The following DLGAP1 variants were observed in gnomAD, a reference collection of about 807,000 sequenced individuals.
DLGAP1 encodes DLG associated protein 1.
Under a neutral mutation model 90.8 loss-of-function variants are expected in DLGAP1, and 11 were observed. That is an observed-to-expected ratio of 0.12 (90% CI 0.08 to 0.20). The LOEUF (loss-of-function observed/expected upper bound fraction) is 0.20, where lower values mean the gene tolerates loss of function less well. Among genes scored for constraint, DLGAP1 ranks in the 10% least tolerant of loss-of-function variants. The pLI, the probability that DLGAP1 is intolerant of heterozygous loss-of-function variation, is 1.00. For synonymous variants in DLGAP1, 558 were observed against 540.7 expected (o/e 1.03, Z -0.44); for missense variants, 1,050 against 1,333.8 (o/e 0.79, Z 3.31).
chr18:3,840,750 T>A (rs1008633956), intron 4 of DLGAP1, among the ~76,000 whole-genome samples: 1 of 152,182 alleles, frequency 6.6e-6, no homozygotes. Context: ...ACCATCATTA[T>A]CTCCATTTTA....
At chr18:3,956,030 G>C (rs1443392237) in intron 3 of DLGAP1, among the ~76,000 whole-genome samples, 1 of 152,170 alleles carries the variant, frequency 6.6e-6, no homozygotes, top group Non-Finnish European at 1.5e-5. Context: ...AATAATGGTT[G>C]AAATTTGATG....
At chr18:3,582,356 A>AT in intron 7 of DLGAP1, 108 bp from the exon 8 acceptor site, 1 of 1,487,208 alleles carries the variant, frequency 6.7e-7, no homozygotes, top group Non-Finnish European at 9.0e-7. Flanking sequence ...ACACTGAGAC[A>AT]TTTAACAGGA....
At chr18:4,415,026 C>CAT (rs761024538) in intron 1 of DLGAP1, among the ~76,000 whole-genome samples, 114 of 141,124 alleles carry the variant, frequency 8.1e-4, no homozygotes, top group Non-Finnish European at 1.2e-3. Context: ...TTGAAATATA[C>CAT]ATATATATAT....
chr18:3,881,824 A>G (rs1335617702), intron 3 of DLGAP1, among the ~76,000 whole-genome samples: 1 of 152,108 alleles, frequency 6.6e-6, no homozygotes, highest in Non-Finnish European at 1.5e-5. Context: ...GAGGCAGGAG[A>G]ATGGCATAAA....
chr18:3,723,313 G>A (rs1161872773), intron 7 of DLGAP1, among the ~76,000 whole-genome samples: 2 of 152,212 alleles, frequency 1.3e-5, no homozygotes, highest in South Asian at 2.1e-4. Context: ...CAGACCACTA[G>A]ACTGGATGAT....
chr18:4,109,419 C>T (rs2075931385), intron 2 of DLGAP1, among the ~76,000 whole-genome samples: 1 of 152,130 alleles, frequency 6.6e-6, no homozygotes, highest in South Asian at 2.1e-4. Context: ...GGCATTAGGC[C>T]ACTCTTAGAA....
At chr18:4,259,497 T>C (rs2078962990) in intron 1 of DLGAP1, among the ~76,000 whole-genome samples, 1 of 152,174 alleles carries the variant, frequency 6.6e-6, no homozygotes, top group Admixed American at 6.5e-5. Flanking sequence ...AGACAGAAGA[T>C]TGTGATCTGA....
intron 9 of DLGAP1, among the ~76,000 whole-genome samples, chr18:3,551,572 A>C (rs185465516): frequency 1.3e-4 from 20 of 150,634 alleles, no homozygotes; most frequent in Non-Finnish European, 2.1e-4. Flanking sequence ...ATTTCTATGA[A>C]CACTTTTCTT....
chr18:3,673,086 C>T (rs937428435), intron 7 of DLGAP1, among the ~76,000 whole-genome samples: 3 of 152,208 alleles, frequency 2.0e-5, no homozygotes, highest in African/African-American at 7.2e-5. Flanking sequence ...AGATTCAACT[C>T]TGTCTTCCGT....
At chr18:4,333,761 A>G (rs2081004131) in intron 1 of DLGAP1, among the ~76,000 whole-genome samples, 1 of 150,698 alleles carries the variant, frequency 6.6e-6, no homozygotes, top group Non-Finnish European at 1.5e-5. Flanking sequence ...CTGGAACTAC[A>G]GGCGCCCACC....
chr18:3,563,037 G>C (rs1454378280), intron 9 of DLGAP1, among the ~76,000 whole-genome samples: 1 of 151,928 alleles, frequency 6.6e-6, no homozygotes, highest in East Asian at 1.9e-4. Context: ...ATATTGCCCA[G>C]GTTGGTCTTG....
intron 4 of DLGAP1, among the ~76,000 whole-genome samples, chr18:3,823,304 A>G (rs1389060579): frequency 6.6e-6 from 1 of 152,204 alleles, no homozygotes; most frequent in East Asian, 1.9e-4. Flanking sequence ...TGCCAGGACA[A>G]AGATACCTCC....
rs1436133048 is a variant in DLGAP1 at position 3,497,900 on chromosome 18, A to C, written c.*1285T>G. 6.6e-6 allele frequency: 1 copy of C among 152,160 alleles called. No homozygotes were observed. The highest frequency in any genetic ancestry group is 2.4e-5 in the African/African-American group (1 of 41,416). 9.4% of individuals were successfully genotyped at this position (152,160 alleles called of 1,614,324 possible). ...CCTGGCAGGTCGAGTTTCTTCTCTC[A>C]CTACCTGGAACCTCAAGATGACAGC... On this transcript the variant is annotated 3_prime_UTR_variant, in exon 13 of 13. Transcript: ENST00000315677.
At chr18:3,881,720 T>C (rs1307510850) in intron 3 of DLGAP1, among the ~76,000 whole-genome samples, 1 of 152,078 alleles carries the variant, frequency 6.6e-6, no homozygotes, top group Non-Finnish European at 1.5e-5. Flanking sequence ...GAGACCATCC[T>C]GGCTAACACG....
chr18:4,112,538 T>C (rs951844947), intron 2 of DLGAP1, among the ~76,000 whole-genome samples: 2 of 152,194 alleles, frequency 1.3e-5, no homozygotes, highest in Non-Finnish European at 2.9e-5. Context: ...TGTTGAATTA[T>C]CCATTTCTCC....
Position 4,356,475 on chromosome 18 carries a change from C to G in DLGAP1, c.-267+98531G>C, listed in dbSNP as rs555148548. Among the ~76,000 whole-genome samples, 13 of 152,216 alleles carry G rather than the reference C, an allele frequency of 8.5e-5. No individual in the cohort carries two copies. In the South Asian group the frequency reaches 2.7e-3, roughly 32 times the overall value. On this transcript the variant is annotated intron_variant, in intron 1 of 12. Transcript: ENST00000315677. ...CGTTTTTTCCTATGTCAACAATGGA[C>G]AATTTTATATTTCTAGCAACACAAG...
intron 3 of DLGAP1, among the ~76,000 whole-genome samples, chr18:3,897,287 AC>A (rs2071649292): frequency 6.6e-6 from 1 of 152,208 alleles, no homozygotes; most frequent in Admixed American, 6.5e-5. Flanking sequence ...TCTCTCCACT[AC>A]CAAGACCTGT....
chr18:4,405,986 T>TG (rs2082655276), intron 1 of DLGAP1, among the ~76,000 whole-genome samples: 1 of 152,242 alleles, frequency 6.6e-6, no homozygotes, highest in African/African-American at 2.4e-5. Context: ...TCAAGAGCCC[T>TG]GGTTATGGAA....
At chr18:4,005,475 T>G (rs1456043640) in intron 2 of DLGAP1, among the ~76,000 whole-genome samples, 1 of 152,226 alleles carries the variant, frequency 6.6e-6, no homozygotes, top group Non-Finnish European at 1.5e-5. Flanking sequence ...CTGCCCAGTT[T>G]TCCTAATTTT....
Sources: gnomAD v4.1 joint callset for allele counts (sites outside exome capture counted in the v4.1 genomes callset) on GRCh38, gnomAD v4.1.1 for gene constraint, MANE v1.5 for transcripts, NCBI Gene and HGNC (gene_info 2026-07-23, HGNC 2026-07-21) for gene names.